The following GOLGA4 variants were observed in gnomAD, a reference collection of about 807,000 sequenced individuals.
The protein encoded by GOLGA4 is golgin A4, also known as golgin subfamily A member 4.
Under a neutral mutation model 265.9 loss-of-function variants are expected in GOLGA4, and 169 were observed. The ratio of observed to expected loss-of-function variants is 0.64; its 90% confidence interval spans 0.56 to 0.72. The LOEUF is 0.72. Among genes scored for constraint, GOLGA4 ranks in the 30% least tolerant of loss-of-function variants. The pLI, the probability that GOLGA4 is intolerant of heterozygous loss-of-function variation, is 0.00. For missense variants in GOLGA4, 2,482 were observed against 2,483.4 expected (o/e 1.00, Z 0.01); for synonymous variants, 923 against 855.8 (o/e 1.08, Z -1.37).
At chr3:37,298,437 T>C (rs189889049) in intron 7 of GOLGA4, among the ~76,000 whole-genome samples, 330 of 152,240 alleles carry the variant, frequency 2.2e-3, no homozygotes, top group African/African-American at 7.6e-3. Context: ...AGCTGATCCA[T>C]CAAGTGCAGG....
At chr3:37,262,420 G>T (rs929525675) in intron 2 of GOLGA4, among the ~76,000 whole-genome samples, 2 of 152,046 alleles carry the variant, frequency 1.3e-5, no homozygotes, top group Non-Finnish European at 1.5e-5. Flanking sequence ...TGAGGCAGGA[G>T]AATTAGTTGA....
intron 2 of GOLGA4, chr3:37,276,650 C>G (rs1374682301): frequency 5.4e-6 from 8 of 1,480,166 alleles, no homozygotes. Context: ...GATTTTGTAA[C>G]TAGCTTTAAA....
intron 7 of GOLGA4, among the ~76,000 whole-genome samples, chr3:37,296,806 A>G (rs1414174997): frequency 6.6e-6 from 1 of 152,162 alleles, no homozygotes; most frequent in Non-Finnish European, 1.5e-5. Flanking sequence ...CCTAATCTCA[A>G]GTAATCTACC....
In GOLGA4 at chr3:37,319,204, TA is replaced by T; in HGVS notation, c.1545+11del. 2.5e-6 allele frequency: 4 copies of T among 1,585,118 alleles called. No homozygotes were observed. Among genetic ancestry groups the T allele is most frequent in the South Asian group, 1.2e-5 (1 of 84,800 alleles). ...AATGAAAGTAGCTCTTGTAAGTGAC[TA>T]TTTTTTTTTTTCTGCTATAGGTATA... On this transcript the variant is annotated intron_variant, in intron 12 of 23. Transcript: ENST00000361924.
chr3:37,323,146 CAGAGG>C (rs1275261125), intron 13 of GOLGA4, among the ~76,000 whole-genome samples: 2 of 70,982 alleles, frequency 2.8e-5, no homozygotes, highest in Non-Finnish European at 6.0e-5. Context: ...TTTTCCAAGA[CAGAGG>C]AGTCTCGCTT....
At position 37,328,965 on chromosome 3, in the gene GOLGA4, A is replaced by T. The variant is rs1559443149; in HGVS notation, c.6064A>T (p.Lys2022Ter). Residue 2022 changes from lysine to a stop codon, truncating the protein, a stop_gained and splice_region_variant, in exon 16 of 24, where the codon AAG becomes TAG. Transcript: ENST00000361924. LOFTEE classifies it high-confidence loss of function. ...GTGTGTTCATTTTTATTTATTAGAT[A>T]AGGCCCAGGAGGTGGAGGCTGAACT... ...LEMTIKETIN[K>*]AQEVEAELLE... is the part of the protein sequence containing the mutation. 6 of 1,581,436 alleles carry T rather than the reference A, an allele frequency of 3.8e-6. No homozygotes were observed. The highest frequency in any genetic ancestry group is 1.4e-5 in the African/African-American group (1 of 72,874).
chr3:37,311,528 T>C (rs2096923100), intron 10 of GOLGA4, among the ~76,000 whole-genome samples: 1 of 152,212 alleles, frequency 6.6e-6, no homozygotes, highest in Non-Finnish European at 1.5e-5. Flanking sequence ...GGATCGTTGC[T>C]TAAAGCCAAT....
chr3:37,328,928 G>A (rs199852549), intron 15 of GOLGA4, 35 bp from the exon 16 acceptor site: 2 of 1,513,992 alleles, frequency 1.3e-6, no homozygotes, highest in African/African-American at 2.8e-5. Flanking sequence ...CTTGACTAAT[G>A]TGTTTTCTTG....
At chr3:37,251,526 A>T (rs982031385) in intron 2 of GOLGA4, 42 bp downstream of exon 2, 1 of 1,207,712 alleles carries the variant, frequency 8.3e-7, no homozygotes, top group Admixed American at 1.7e-5. Flanking sequence ...CTCAAAAGAA[A>T]CTAATCTAAA....
intron 2 of GOLGA4, among the ~76,000 whole-genome samples, chr3:37,278,680 T>C (rs995557885): frequency 1.3e-5 from 2 of 152,218 alleles, no homozygotes; most frequent in African/African-American, 4.8e-5. Flanking sequence ...TTCTTAAATA[T>C]TACAGATATT....
At chr3:37,304,051 A>G (rs1369281480) in intron 10 of GOLGA4, among the ~76,000 whole-genome samples, 1 of 152,318 alleles carries the variant, frequency 6.6e-6, no homozygotes, top group African/African-American at 2.4e-5. Flanking sequence ...TCTTAACCAT[A>G]TAGAGGTCTT....
At chr3:37,274,476 G>A (rs1426199366) in intron 2 of GOLGA4, among the ~76,000 whole-genome samples, 3 of 152,132 alleles carry the variant, frequency 2.0e-5, no homozygotes, top group Non-Finnish European at 4.4e-5. Flanking sequence ...TGGATCGCTT[G>A]AGACCAGGAG....
intron 14 of GOLGA4, 30 bp from the exon 15 acceptor site, chr3:37,328,386 A>G: frequency 6.2e-7 from 1 of 1,603,104 alleles, no homozygotes; most frequent in Non-Finnish European, 8.5e-7. Flanking sequence ...TTTGTGTGGC[A>G]GCAGTTAACG....
Position 37,326,304 on chromosome 3 carries a change from A to T in GOLGA4, c.4418A>T (p.Glu1473Val). 2 of 1,611,770 alleles carry T rather than the reference A, an allele frequency of 1.2e-6. 1 individual carries two copies. The highest frequency in any genetic ancestry group is 2.2e-5 in the South Asian group (2 of 90,488). Residue 1473 changes from glutamate to valine, a missense_variant, in exon 14 of 24, where the codon GAA becomes GTA. Around this residue, in one of 3 missense-constraint regions of GOLGA4, gnomAD observed 942 missense variants for 983.1 expected, o/e 0.96. Coordinates refer to ENST00000361924, the MANE Select transcript of GOLGA4 (RefSeq NM_002078.5). Reference sequence around the variant, plus strand: ...ATCCAGCTTGAGTTAAAATCAAAGGAAGCTTATGAAAAGGATGAGCAGATA... The same window carrying T: ...ATCCAGCTTGAGTTAAAATCAAAGGTAGCTTATGAAAAGGATGAGCAGATA... ...LQIQLELKSK[E>V]AYEKDEQINL...
Position 37,298,870 on chromosome 3 carries a change from C to G in GOLGA4, c.852C>G (p.Leu284=), listed in dbSNP as rs1426140657. ...CTTCTGTAAAAACACTGGAAACACT[C>G]CAGCAAAGAGTGAAGCGTCAAGAGA... ...DGTSVKTLET[L]QQRVKRQENL... The change falls in exon 8 of 24, where the codon CTC becomes CTG. Residue 284 remains leucine (L), a synonymous_variant. Coordinates refer to ENST00000361924, the MANE Select transcript of GOLGA4 (RefSeq NM_002078.5). The G allele has an allele frequency of 6.2e-7, 1 of 1,612,018 alleles. No individual in the cohort carries two copies. The highest frequency in any genetic ancestry group is 8.5e-7 in the Non-Finnish European group (1 of 1,179,322).
At chr3:37,281,285 A>G (rs752163530) in intron 2 of GOLGA4, among the ~76,000 whole-genome samples, 10 of 152,166 alleles carry the variant, frequency 6.6e-5, no homozygotes, top group African/African-American at 1.9e-4. Context: ...AGACCTTTCA[A>G]CTGTCCTCCA....
At chr3:37,342,595 C>G (rs1248944970) in intron 20 of GOLGA4, among the ~76,000 whole-genome samples, 1 of 152,138 alleles carries the variant, frequency 6.6e-6, no homozygotes, top group African/African-American at 2.4e-5. Flanking sequence ...ATACCATAAG[C>G]ATTCTTGTAT....
chr3:37,283,563 G>C (rs1363843651), intron 3 of GOLGA4, among the ~76,000 whole-genome samples: 1 of 152,118 alleles, frequency 6.6e-6, no homozygotes, highest in Non-Finnish European at 1.5e-5. Context: ...TTGTTGCCCA[G>C]ACTGGAGTGC....
At chr3:37,260,157 TAAA>T (rs11359349) in intron 2 of GOLGA4, among the ~76,000 whole-genome samples, 35 of 124,034 alleles carry the variant, frequency 2.8e-4, no homozygotes, top group Admixed American at 5.9e-4. Context: ...GTTGATGAGC[TAAA>T]AAAAAAAAAA....
Sources: gnomAD v4.1 joint callset for allele counts (sites outside exome capture counted in the v4.1 genomes callset) on GRCh38, gnomAD v4.1.1 for gene constraint, gnomAD v4.1.1 regional missense constraint, MANE v1.5 for transcripts, NCBI Gene and HGNC (gene_info 2026-07-23, HGNC 2026-07-21) for gene names.